The following NEB variants were observed in gnomAD, a reference collection of about 807,000 sequenced individuals.
NEB encodes nebulin.
Under a neutral mutation model 952.2 loss-of-function variants are expected in NEB, and 512 were observed. The ratio of observed to expected loss-of-function variants is 0.54; its 90% CI spans 0.50 to 0.58. The LOEUF is 0.58. NEB is among the 20% of genes least tolerant of loss of function. The pLI is 0.00. For missense variants in NEB, 8,428 were observed against 9,231.1 expected, an observed-to-expected ratio of 0.91 and a Z score of 3.56; for synonymous variants, 2,900 against 3,149.8, an observed-to-expected ratio of 0.92 and a Z score of 2.66.
At chr2:151,649,480 A>G (rs1465377540) in intron 54 of NEB, among the ~76,000 whole-genome samples, 2 of 152,190 alleles carry the variant, frequency 1.3e-5, no homozygotes, top group Non-Finnish European at 2.9e-5. Flanking sequence ...CGGTTATTAT[A>G]TATCTGTTTA....
At chr2:151,501,623 T>TTAAC in intron 167 of NEB, 140 bp from the exon 168 acceptor site, 1 of 476,902 alleles carries the variant, frequency 2.1e-6, no homozygotes, top group African/African-American at 2.0e-5. Flanking sequence ...AAAAATAGAG[T>TTAAC]TAACTATAGA....
chr2:151,535,820 T>C (rs1401694997), intron 141 of NEB, 25 bp from the exon 142 acceptor site: 5 of 1,273,254 alleles, frequency 3.9e-6, no homozygotes, highest in Non-Finnish European at 5.6e-6. Context: ...ACATGGTTAC[T>C]TGACAGCAGG....
Position 151,690,797 on chromosome 2 carries a change from G to A in NEB, c.2240C>T (p.Thr747Ile), listed in dbSNP as rs1179881542. ...AGAATCAGTGACTGCCGTGAATTTG[G>A]TCTTATCTGGATGAACTTTGTAGGT... ...DHTYKVHPDKTKFTAVTDSPV... is the reference protein window; with the variant it reads ...DHTYKVHPDKIKFTAVTDSPV... The change falls in exon 24 of 182, where the codon ACC becomes ATC. Residue 747 changes from threonine (T) to isoleucine (I), a missense_variant. Physicochemically the swap from Thr to Ile is moderately conservative, Grantham distance 89. Coordinates refer to ENST00000397345, the MANE Select transcript of NEB (RefSeq NM_001164508.2). 1 of 1,594,336 alleles carries A rather than the reference G, an allele frequency of 6.3e-7. No individual in the cohort carries two copies. Among genetic ancestry groups the A allele is most frequent in the South Asian group, 1.1e-5 (1 of 87,272 alleles).
intron 71 of NEB, among the ~76,000 whole-genome samples, chr2:151,622,760 T>C (rs909749432): frequency 6.6e-6 from 1 of 152,242 alleles, no homozygotes; most frequent in Non-Finnish European, 1.5e-5. Context: ...AGTATTATTG[T>C]CTAGTATTAT....
At position 151,605,700 on chromosome 2, in the gene NEB, C is replaced by T. The variant is rs1304245738; in HGVS notation, c.12748-829G>A. ...AGAATAAGAAGGAGGAAACAACTGG[C>T]TACATGATGAAAATCAGAGAAGAAC... On this transcript the variant is annotated intron_variant, in intron 84 of 181. Transcript: ENST00000397345. Among the ~76,000 whole-genome samples the T allele has an allele frequency of 3.0e-5, 3 of 101,398 alleles. 1 individual carries two copies. In the East Asian group the frequency reaches 9.5e-4, roughly 32 times the overall value. 66.5% of individuals were successfully genotyped at this position (101,398 alleles called of 152,430 possible).
At chr2:151,649,143 T>C (rs964137225) in intron 54 of NEB, among the ~76,000 whole-genome samples, 2 of 152,168 alleles carry the variant, frequency 1.3e-5, no homozygotes, top group Non-Finnish European at 2.9e-5. Context: ...TTTGTACAAA[T>C]TTGTTGTTTT....
intron 114 of NEB, among the ~76,000 whole-genome samples, chr2:151,566,042 G>A (rs1178033578): frequency 1.3e-5 from 2 of 152,190 alleles, no homozygotes; most frequent in Admixed American, 1.3e-4. Flanking sequence ...AAGGAGTCTA[G>A]GAGTTGAGAT....
chr2:151,618,577 T>C (rs531715678), intron 73 of NEB, 99 bp from the exon 74 acceptor site: 4 of 1,153,934 alleles, frequency 3.5e-6, no homozygotes, highest in East Asian at 2.6e-5. Context: ...TACCGATGAA[T>C]AGTTAAGGTT....
chr2:151,563,823 C>T lies in NEB; in HGVS notation c.18579G>A (p.Glu6193=). ...TAGGAGAGGAAAAGGTCATACTGAC[C>T]TCACTGTTCACCAGATCAGCATGCT... The part of the protein sequence containing the change: ...GAKHADLVNS[E]LKYKETYEKQ... The change falls in exon 118 of 182, where the codon GAG becomes GAA. Residue 6193 remains glutamate, a splice_region_variant and synonymous_variant. Coordinates refer to ENST00000397345, the MANE Select transcript of NEB (RefSeq NM_001164508.2). 3 of 1,613,382 alleles carry T rather than the reference C, an allele frequency of 1.9e-6. No individual in the cohort carries two copies. The highest frequency in any genetic ancestry group is 1.3e-5 in the African/African-American group (1 of 75,010).
At chr2:151,565,341 C>T (rs1319437259) in intron 116 of NEB, among the ~76,000 whole-genome samples, 160 bp downstream of exon 116, 1 of 152,140 alleles carries the variant, frequency 6.6e-6, no homozygotes, top group African/African-American at 2.4e-5. Flanking sequence ...CAATTCACCA[C>T]CTGCTAGTGA....
Position 151,646,186 on chromosome 2 carries a change from T to C in NEB, c.7480A>G (p.Met2494Val), listed in dbSNP as rs202245789. Reference sequence around the variant, plus strand: ...AGAACAATGTCAGGTGTATCAGGCATGATGTGGATCTGAGTCTTGTCTTTG... The same window carrying C: ...AGAACAATGTCAGGTGTATCAGGCACGATGTGGATCTGAGTCTTGTCTTTG... ...WDKDKTQIHI[M>V]PDTPDIVLAK... is the part of the protein sequence containing the mutation. The change falls in exon 55 of 182, where the codon ATG becomes GTG. Residue 2494 changes from methionine to valine, a missense_variant. Physicochemically the swap from Met to Val is conservative, Grantham distance 21. This residue lies in a region of NEB where 1,772 missense variants were observed against 1,960.3 expected (regional missense o/e 0.90). Transcript: ENST00000397345. 15 of 1,605,156 alleles carry C rather than the reference T, an allele frequency of 9.3e-6. No homozygotes were observed. Among genetic ancestry groups the C allele is most frequent in the Non-Finnish European group, 1.3e-5 (15 of 1,175,422 alleles).
rs759002009 is a variant in NEB at position 151,576,353 on chromosome 2, G to C, written c.16706C>G (p.Ala5569Gly). The stretch of plus-strand genomic sequence containing the variant: ...CCACTCCAAGTCAGCCTTGTAGAGG[G>C]CCTGAAAAAGAAAACACAGGTAGAA... ...ARKAYDLQSD[A>G]LYKADLEWLR... The change falls in exon 106 of 182, where the codon GCC (alanine) becomes GGC (glycine). Residue 5569 changes from alanine (A) to glycine (G), a missense_variant and splice_region_variant. By Grantham distance (60) the Ala-to-Gly change is moderately conservative (BLOSUM62 0). Transcript: ENST00000397345. 6.3e-7 allele frequency: 1 copy of C among 1,583,966 alleles called. No individual in the cohort carries two copies. The highest frequency in any genetic ancestry group is 8.6e-7 in the Non-Finnish European group (1 of 1,161,224).
At position 151,621,158 on chromosome 2, in the gene NEB, T is replaced by C. The variant is rs570203943; in HGVS notation, c.10453-132A>G. 1.5e-4 allele frequency: 94 copies of C among 633,840 alleles called. No homozygotes were observed. The Middle Eastern group carries it at 2.8e-3, about 19-fold the overall frequency. The allele number at this position is 633,840 out of a possible 1,614,324, so 39.3% of individuals were successfully genotyped here. ...TTCAGCCTTAAATCAGAAAAAGAAC[T>C]CTTTCTTTTACTTTCTGTTTATCCT... On this transcript the variant is annotated intron_variant, in intron 71 of 181. Coordinates refer to ENST00000397345, the MANE Select transcript of NEB (RefSeq NM_001164508.2).
At position 151,656,372 on chromosome 2, in the gene NEB, T is replaced by A. The variant is rs2099085536; in HGVS notation, c.6276A>T (p.Gln2092His). ...CCCGATCAGATTGCATCTTAGCCAC[T>A]TGCATGGAATGGACTAATTTGGGAT... is the stretch of plus-strand genomic sequence containing the variant. ...EDDPKLVHSMQVAKMQSDREY... is the reference protein window; with the variant it reads ...EDDPKLVHSMHVAKMQSDREY... The change falls in exon 49 of 182, where the codon CAA (glutamine) becomes CAT (histidine). Residue 2092 changes from glutamine to histidine, a missense_variant. Physicochemically the swap from Gln to His is conservative, Grantham distance 24. Around this residue, in one of 11 missense-constraint regions of NEB, gnomAD observed 2,851 missense variants for 2,791.5 expected, o/e 1.02. Coordinates refer to ENST00000397345, the MANE Select transcript of NEB (RefSeq NM_001164508.2). 1.2e-6 allele frequency: 2 copies of A among 1,613,500 alleles called. No individual in the cohort carries two copies. The highest frequency in any genetic ancestry group is 2.7e-5 in the African/African-American group (2 of 74,878).
At chr2:151,712,974 G>T (rs1427677630) in intron 10 of NEB, among the ~76,000 whole-genome samples, 1 of 152,050 alleles carries the variant, frequency 6.6e-6, no homozygotes, top group Non-Finnish European at 1.5e-5. Flanking sequence ...GAAAGAGTCA[G>T]TTTCACTTCT....
At chr2:151,495,190 ACAT>A (rs1352587535) in intron 173 of NEB, 1 of 152,228 alleles carries the variant, frequency 6.6e-6, no homozygotes, top group African/African-American at 2.4e-5. Context: ...ACATAGTAAC[ACAT>A]CATGATAAAT....
intron 124 of NEB, among the ~76,000 whole-genome samples, chr2:151,555,387 C>G (rs1441957561): frequency 6.6e-6 from 1 of 152,150 alleles, no homozygotes; most frequent in African/African-American, 2.4e-5. Context: ...TAAAAATATT[C>G]TCTTGTGGTA....
intron 15 of NEB, 42 bp from the exon 16 acceptor site, chr2:151,697,294 T>C (rs1312983913): frequency 6.2e-7 from 1 of 1,608,434 alleles, no homozygotes. Context: ...AGCCATTGTA[T>C]TCATGCCCTG....
intron 169 of NEB, among the ~76,000 whole-genome samples, chr2:151,498,865 G>A (rs912276603): frequency 6.7e-6 from 1 of 148,386 alleles, no homozygotes; most frequent in Non-Finnish European, 1.5e-5. Context: ...GATGTTTAAG[G>A]CAAATGGAGA....
Sources: allele counts gnomAD v4.1 joint callset (sites outside exome capture counted in the v4.1 genomes callset), GRCh38; gene constraint gnomAD v4.1.1; regional missense constraint gnomAD v4.1.1; transcripts MANE v1.5; gene names NCBI Gene and HGNC (gene_info 2026-07-23, HGNC 2026-07-21).